Variants in RBFOX1 observed in about 807,000 individuals in gnomAD.
The protein encoded by RBFOX1 is RNA binding protein fox-1 homolog 1.
Under a neutral mutation model 57.7 loss-of-function variants are expected in RBFOX1, and 8 were observed. The ratio of observed to expected loss-of-function variants is 0.14; its 90% CI spans 0.08 to 0.25. The LOEUF is 0.25. RBFOX1 is among the 10% of genes least tolerant of loss of function. RBFOX1 has a pLI of 1.00. For missense variants in RBFOX1, 611 were observed against 548.5 expected (o/e 1.11, Z -1.14); for synonymous variants, 326 against 222.4 (o/e 1.47, Z -4.15).
intron 4 of RBFOX1, among the ~76,000 whole-genome samples, chr16:7,227,739 A>G (rs2093236374): frequency 6.6e-6 from 1 of 152,094 alleles, no homozygotes; most frequent in South Asian, 2.1e-4. Context: ...TGCACGCAGC[A>G]CCTGGCCTAG....
chr16:7,188,316 C>G (rs565444325), intron 4 of RBFOX1, among the ~76,000 whole-genome samples: 1 of 152,190 alleles, frequency 6.6e-6, no homozygotes, highest in Non-Finnish European at 1.5e-5. Context: ...TGTACATCTT[C>G]CTATATTTCC....
intron 1 of RBFOX1, among the ~76,000 whole-genome samples, chr16:6,102,731 C>G (rs745854799): frequency 6.6e-5 from 10 of 152,136 alleles, no homozygotes; most frequent in Non-Finnish European, 1.3e-4. Flanking sequence ...AGTGTGTTAC[C>G]TTTACCTTGA....
At chr16:5,570,354 A>G (rs1416512203) in intron 2 of RBFOX1, among the ~76,000 whole-genome samples, 1 of 152,134 alleles carries the variant, frequency 6.6e-6, no homozygotes, top group African/African-American at 2.4e-5. Context: ...CAATAACCCT[A>G]TAAGGGTTGT....
exon 3 of RBFOX1, chr16:5,600,075 G>A (rs1022782080): frequency 4.7e-5 from 7 of 149,994 alleles, no homozygotes; most frequent in East Asian, 4.0e-4. Flanking sequence ...TGATCAAGAG[G>A]TCAGGAGATC....
At chr16:7,306,488 G>C (rs564918869) in intron 4 of RBFOX1, among the ~76,000 whole-genome samples, 2 of 152,144 alleles carry the variant, frequency 1.3e-5, no homozygotes, top group South Asian at 2.1e-4. Flanking sequence ...ATGTGCTTTG[G>C]AATGCATCTC....
At chr16:6,595,505 A>T (rs74905817) in intron 2 of RBFOX1, among the ~76,000 whole-genome samples, 1 of 152,206 alleles carries the variant, frequency 6.6e-6, no homozygotes. Context: ...ATTAGAAACA[A>T]TGCTTCTATG....
intron 3 of RBFOX1, among the ~76,000 whole-genome samples, chr16:6,726,842 T>C (rs940287096): frequency 2.6e-5 from 4 of 152,118 alleles, no homozygotes; most frequent in African/African-American, 7.2e-5. Flanking sequence ...CCAAGTTCTC[T>C]CTGTGGGATG....
intron 1 of RBFOX1, among the ~76,000 whole-genome samples, chr16:6,051,889 C>G (rs1257205541): frequency 6.6e-6 from 1 of 152,156 alleles, no homozygotes; most frequent in African/African-American, 2.4e-5. Flanking sequence ...ATTTATCTTT[C>G]TTCCTTCCAG....
intron 3 of RBFOX1, among the ~76,000 whole-genome samples, chr16:5,817,184 G>T (rs1192901499): frequency 6.6e-6 from 1 of 152,172 alleles, no homozygotes; most frequent in African/African-American, 2.4e-5. Flanking sequence ...CTCTCTGTGT[G>T]TGTGTGTTTG....
chr16:5,258,842 G>T (rs1404211037), intron 1 of RBFOX1, among the ~76,000 whole-genome samples: 1 of 152,096 alleles, frequency 6.6e-6, no homozygotes, highest in Non-Finnish European at 1.5e-5. Context: ...CTTGAAGCCG[G>T]GAGGTGGAAG....
chr16:7,028,968 C>G (rs1396047223), intron 3 of RBFOX1, among the ~76,000 whole-genome samples: 1 of 146,910 alleles, frequency 6.8e-6, no homozygotes, highest in Admixed American at 6.9e-5. Flanking sequence ...AGCAAGCATG[C>G]TGTTTGGAAG....
chr16:6,539,129 A>G (rs2096775874), intron 2 of RBFOX1, among the ~76,000 whole-genome samples: 1 of 151,802 alleles, frequency 6.6e-6, no homozygotes, highest in African/African-American at 2.4e-5. Flanking sequence ...TTGGTGAAAA[A>G]AAAAAAGAAA....
At chr16:6,203,980 CTTTT>C (rs60829829) in intron 1 of RBFOX1, among the ~76,000 whole-genome samples, 1 of 137,728 alleles carries the variant, frequency 7.3e-6, no homozygotes, top group Admixed American at 7.3e-5. Context: ...TGTTTTGTTT[CTTTT>C]TTTTTTTTTT....
At chr16:5,411,731 C>A (rs2067026776) in intron 1 of RBFOX1, among the ~76,000 whole-genome samples, 1 of 151,274 alleles carries the variant, frequency 6.6e-6, no homozygotes. Flanking sequence ...AAGACCCCAT[C>A]TGTACAAAAA....
chr16:7,573,736 G>A (rs1287960519), intron 5 of RBFOX1, among the ~76,000 whole-genome samples: 2 of 152,174 alleles, frequency 1.3e-5, no homozygotes, highest in East Asian at 3.9e-4. Context: ...TCGGGAGGTT[G>A]AGGCAGGAAA....
intron 2 of RBFOX1, among the ~76,000 whole-genome samples, chr16:6,374,528 C>T (rs1316979457): frequency 6.6e-6 from 1 of 151,972 alleles, no homozygotes; most frequent in African/African-American, 2.4e-5. Flanking sequence ...GTTCTAGTGT[C>T]TTTAGAGAAA....
chr16:5,317,942 C>G (rs185326873), intron 1 of RBFOX1, among the ~76,000 whole-genome samples: 65 of 152,190 alleles, frequency 4.3e-4, no homozygotes, highest in African/African-American at 1.6e-3. Context: ...TTCCCCTGTT[C>G]CTAGTGTCTG....
At chr16:6,624,272 C>T (rs998097677) in intron 2 of RBFOX1, among the ~76,000 whole-genome samples, 19 of 152,112 alleles carry the variant, frequency 1.2e-4, no homozygotes, top group African/African-American at 4.3e-4. Flanking sequence ...TCGTTGCTTC[C>T]TTTGCAAAAG....
At chr16:6,310,354 G>A (rs1031020311) in intron 1 of RBFOX1, among the ~76,000 whole-genome samples, 4 of 152,232 alleles carry the variant, frequency 2.6e-5, no homozygotes, top group Non-Finnish European at 4.4e-5. Context: ...AGGCTATGCT[G>A]AAAGTCATCT....
Sources: gnomAD v4.1 joint callset for allele counts (sites outside exome capture counted in the v4.1 genomes callset) on GRCh38, gnomAD v4.1.1 for gene constraint, MANE v1.5 for transcripts, NCBI Gene and HGNC (gene_info 2026-07-23, HGNC 2026-07-21) for gene names.